The following PRKAR1A variants were observed in gnomAD, a reference collection of about 807,000 sequenced individuals.
PRKAR1A encodes the protein protein kinase cAMP-dependent type I regulatory subunit alpha, also known as cAMP-dependent protein kinase type I-alpha regulatory subunit.
A neutral mutation model predicts 52.0 loss-of-function variants in PRKAR1A; 3 were observed. The observed-to-expected ratio is 0.06, with a 90% confidence interval of 0.03 to 0.15. The LOEUF (loss-of-function observed/expected upper bound fraction) is 0.15. Ranked by LOEUF, PRKAR1A falls within the 10% of genes least tolerant of loss-of-function variation. The probability of loss-of-function intolerance (pLI) is 1.00; values close to 1 mark genes in which losing one functional copy is unlikely to be tolerated. For synonymous variants in PRKAR1A, 188 were observed against 168.4 expected, an observed-to-expected ratio of 1.12 and a Z score of -0.90; for missense variants, 240 against 477.4, an observed-to-expected ratio of 0.50 and a Z score of 4.63.
At position 68,541,035 on chromosome 17, in the gene PRKAR1A, GC is replaced by G. The variant is rs950731551; in HGVS notation, c.974-10042del. The G allele has an allele frequency of 5.2e-6, 8 of 1,542,762 alleles. No individual in the cohort carries two copies. The Admixed American group carries it at 5.9e-5, about 11-fold the overall frequency. On this transcript the variant is annotated intron_variant, in intron 11 of 11. Coordinates refer to the PRKAR1A transcript ENST00000585981. ...CGGGGGTCTCCCCACACCTCCCCCT[GC>G]CCCCCCAATCCCTGCCTCCCTGATC...
the PRKAR1A span, among the ~76,000 whole-genome samples, chr17:68,495,475 C>T: frequency 6.6e-6 from 1 of 152,206 alleles, no homozygotes; most frequent in African/African-American, 2.4e-5. Flanking sequence ...ACCTGTCTAT[C>T]ACACCACCAG....
the PRKAR1A span, among the ~76,000 whole-genome samples, chr17:68,469,930 A>G: frequency 6.6e-6 from 1 of 152,106 alleles, no homozygotes; most frequent in South Asian, 2.1e-4. Flanking sequence ...TTGTTTTTGC[A>G]TATCTCTTTC....
At chr17:68,428,084 G>C in the PRKAR1A span, among the ~76,000 whole-genome samples, 1 of 152,172 alleles carries the variant, frequency 6.6e-6, no homozygotes, top group South Asian at 2.1e-4. Context: ...TTTTTGTAAG[G>C]ATGGGGTTTC....
rs190045568 is a variant in PRKAR1A at position 68,516,653 on chromosome 17, C to T, written c.177+1077C>T. ...AGCTTTAAAAAGTATTTGGGTAGCT[C>T]ATTGATCAGGTATTTTCTATTTTCT... is the stretch of plus-strand genomic sequence containing the variant. On this transcript the variant is annotated intron_variant, in intron 2 of 10. Transcript: ENST00000589228. 8.0e-4 allele frequency among the ~76,000 whole-genome samples: 121 copies of T among 151,780 alleles called. 1 individual carries two copies. In the East Asian group the frequency reaches 0.011, roughly 14 times the overall value.
intron 1 of PRKAR1A, chr17:68,515,173 C>G (rs900743463): frequency 1.8e-6 from 1 of 557,918 alleles, no homozygotes; most frequent in Non-Finnish European, 3.2e-6. Flanking sequence ...CTCACTGTTG[C>G]CTACAGAGCA....
the PRKAR1A span, among the ~76,000 whole-genome samples, chr17:68,494,310 T>G: frequency 6.6e-6 from 1 of 151,806 alleles, no homozygotes; most frequent in Admixed American, 6.6e-5. Context: ...GAGGCTGAGG[T>G]GGGTGGATCA....
chr17:68,474,307 T>C, the PRKAR1A span, among the ~76,000 whole-genome samples: 1 of 152,228 alleles, frequency 6.6e-6, no homozygotes, highest in African/African-American at 2.4e-5. Flanking sequence ...TCAGCTGTCA[T>C]TTCTGCTGTT....
chr17:68,429,770 G>A, the PRKAR1A span, among the ~76,000 whole-genome samples: 2 of 152,124 alleles, frequency 1.3e-5, no homozygotes, highest in African/African-American at 4.8e-5. Flanking sequence ...TGTATTTTTA[G>A]TAGAGACGGG....
intron 11 of PRKAR1A, among the ~76,000 whole-genome samples, chr17:68,539,085 G>C (rs2143453552): frequency 6.6e-6 from 1 of 152,260 alleles, no homozygotes; most frequent in East Asian, 1.9e-4. Context: ...ACATAGAAAA[G>C]ATAGTAAAAC....
the PRKAR1A span, chr17:68,430,072 T>C: frequency 3.0e-5 from 48 of 1,614,194 alleles, 1 homozygote; most frequent in Middle Eastern, 4.9e-4. Flanking sequence ...TGATGCATCA[T>C]GTCTGACACC....
chr17:68,488,347 A>G, the PRKAR1A span, among the ~76,000 whole-genome samples: 1 of 152,100 alleles, frequency 6.6e-6, no homozygotes, highest in Non-Finnish European at 1.5e-5. Context: ...TCTGTCCCAT[A>G]TATACAACCT....
chr17:68,537,597 G>A, downstream of PRKAR1A: 2 of 1,613,654 alleles, frequency 1.2e-6, no homozygotes, highest in Non-Finnish European at 1.7e-6. The surrounding 1 kb of genome is among the most constrained non-coding windows in gnomAD (Gnocchi z 4.2). Flanking sequence ...GGATGGTTTG[G>A]AGCCTTCGAT....
the PRKAR1A span, chr17:68,457,413 G>T: frequency 2.7e-6 from 4 of 1,506,604 alleles, no homozygotes; most frequent in South Asian, 4.9e-5. Context: ...CCGCGGCCTC[G>T]GCCTCCATCG....
At position 68,532,432 on chromosome 17, in the gene PRKAR1A, G is replaced by T. The variant is rs190813337; in HGVS notation, c.*1983G>T. On this transcript the variant is annotated 3_prime_UTR_variant, in exon 11 of 11. Transcript: ENST00000589228. The stretch of plus-strand genomic sequence containing the variant: ...TTTGGCTTGCTGTTTACTCCCTTCT[G>T]TAGTTTTTAATTAAAAACTTTAAAG... 176 of 1,059,958 alleles carry T rather than the reference G, an allele frequency of 1.7e-4. No individual in the cohort carries two copies. The highest frequency in any genetic ancestry group is 1.9e-4 in the Non-Finnish European group (167 of 874,502). 65.7% of individuals were successfully genotyped at this position (1,059,958 alleles called of 1,614,324 possible). A position where few individuals can be genotyped will look rare whatever the true frequency, so the allele number is the denominator to read the frequency against.
intron 5 of PRKAR1A, 147 bp from the exon 6 acceptor site, chr17:68,524,765 C>T (rs892204432): frequency 2.9e-6 from 2 of 695,040 alleles, no homozygotes; most frequent in South Asian, 3.5e-5. Flanking sequence ...AAATATGTTG[C>T]TTGATTTTCT....
intron 11 of PRKAR1A, chr17:68,542,850 G>C (rs779434953): frequency 1.9e-5 from 29 of 1,490,748 alleles, no homozygotes; most frequent in Non-Finnish European, 2.7e-5. Context: ...GGGATGATCA[G>C]GGAGTGAGGA....
upstream of PRKAR1A, among the ~76,000 whole-genome samples, chr17:68,510,252 T>TTAGC (rs1402510120): frequency 6.6e-6 from 1 of 150,858 alleles, no homozygotes; most frequent in Non-Finnish European, 1.5e-5. Flanking sequence ...TTAAGCCATG[T>TTAGC]TAGCTGTGTG....
downstream of PRKAR1A, among the ~76,000 whole-genome samples, chr17:68,534,560 C>CTTTTTTTTTTTTTTTTTTT (rs34994040): frequency 9.0e-6 from 1 of 111,054 alleles, no homozygotes; most frequent in Non-Finnish European, 1.8e-5. Flanking sequence ...TTTTTAGTGC[C>CTTTTTTTTTTTTTTTTTTT]TTTTTTTTTT....
the PRKAR1A span, among the ~76,000 whole-genome samples, chr17:68,431,686 C>T: frequency 5.4e-4 from 6 of 11,054 alleles, no homozygotes; most frequent in African/African-American, 1.5e-3. Context: ...GCTAAAGACA[C>T]GTTCAAGGGC....
Sources: gnomAD v4.1 joint callset for allele counts (sites outside exome capture counted in the v4.1 genomes callset) on GRCh38, gnomAD v4.1.1 for gene constraint, Gnocchi (gnomAD v3.1) non-coding constraint, MANE v1.5 for transcripts, NCBI Gene and HGNC (gene_info 2026-07-23, HGNC 2026-07-21) for gene names.